FAXC: variants seen among roughly 807,000 people sequenced by gnomAD.
FAXC encodes failed axon connections homolog.
Under a neutral mutation model 41.9 loss-of-function variants are expected in FAXC, and 10 were observed. That is an observed-to-expected ratio of 0.24 (90% confidence interval 0.15 to 0.41). FAXC has a LOEUF of 0.41. Ranked by LOEUF, FAXC falls within the 10% of genes least tolerant of loss-of-function variation. FAXC has a pLI of 1.00. For missense variants in FAXC, 399 were observed against 510.9 expected (o/e 0.78, Z 2.11); for synonymous variants, 183 against 183.8 (o/e 1.00, Z 0.03).
At chr6:99,289,435 G>C (rs1444897958) in intron 5 of FAXC, among the ~76,000 whole-genome samples, 1 of 152,126 alleles carries the variant, frequency 6.6e-6, no homozygotes, top group Admixed American at 6.5e-5. Flanking sequence ...AGGATCACTT[G>C]AGGCCAGGAT....
At chr6:99,345,655 C>T (rs961208499) in intron 1 of FAXC, among the ~76,000 whole-genome samples, 12 of 152,208 alleles carry the variant, frequency 7.9e-5, no homozygotes, top group African/African-American at 2.4e-4. Context: ...GATGAACATG[C>T]CTCTGTATAC....
At chr6:99,288,949 G>A (rs1176693532) in intron 5 of FAXC, among the ~76,000 whole-genome samples, 1 of 151,250 alleles carries the variant, frequency 6.6e-6, no homozygotes, top group Non-Finnish European at 1.5e-5. Context: ...CTGCTTGCCT[G>A]CCTCAGTTTC....
Position 99,333,668 on chromosome 6 carries a change from G to A in FAXC, c.403-121C>T, listed in dbSNP as rs541610456. 2.9e-5 allele frequency: 24 copies of A among 833,770 alleles called. No homozygotes were observed. The African/African-American group carries it at 3.8e-4, about 13-fold the overall frequency. 51.6% of individuals were successfully genotyped at this position (833,770 alleles called of 1,614,324 possible). Reference sequence around the variant, plus strand: ...TAGTGACAGTACTACTCAAGTGAATGAACTCAGGGCATAAACTCCTTAAGA... The same window carrying A: ...TAGTGACAGTACTACTCAAGTGAATAAACTCAGGGCATAAACTCCTTAAGA... On this transcript the variant is annotated intron_variant, in intron 2 of 5. Coordinates refer to ENST00000389677, the MANE Select transcript of FAXC (RefSeq NM_032511.4).
In FAXC at chr6:99,275,968, A is replaced by T. The variant is rs1393615800; in HGVS notation, c.*5196T>A. On this transcript the variant is annotated 3_prime_UTR_variant, in exon 6 of 6. Coordinates refer to ENST00000389677, the MANE Select transcript of FAXC (RefSeq NM_032511.4). ...TAAAGGTCAAGCACTTCACAATCAC[A>T]TGCAATTGATCCCTGGACCTGTTAA... is the stretch of plus-strand genomic sequence containing the variant. The T allele has an allele frequency of 6.6e-6, 1 of 152,078 alleles. No individual in the cohort carries two copies. Among genetic ancestry groups the T allele is most frequent in the Non-Finnish European group, 1.5e-5 (1 of 68,026 alleles). 9.4% of individuals were successfully genotyped at this position (152,078 alleles called of 1,614,324 possible).
At chr6:99,336,222 A>C (rs1022150791) in intron 2 of FAXC, among the ~76,000 whole-genome samples, 4 of 152,090 alleles carry the variant, frequency 2.6e-5, no homozygotes, top group Non-Finnish European at 4.4e-5. Context: ...GGCCCAAAAA[A>C]AGTATGTTAA....
At chr6:99,294,912 G>A (rs1311522285) in intron 4 of FAXC, among the ~76,000 whole-genome samples, 1 of 152,198 alleles carries the variant, frequency 6.6e-6, no homozygotes, top group Non-Finnish European at 1.5e-5. Context: ...TGTTAAAACT[G>A]GAAGGACACT....
rs143246528 is a variant in FAXC, at chr6:99,300,615, T to C, written c.824-8795A>G. 6.4e-4 allele frequency among the ~76,000 whole-genome samples: 97 copies of C among 152,286 alleles called. No homozygotes were observed. The East Asian group carries it at 0.018, about 29-fold the overall frequency. ...GGGCTATAAAAATTATATGAGTCTC[T>C]CTCCCCAGTATCACTTTCCCAAATA... is the stretch of plus-strand genomic sequence containing the variant. On this transcript the variant is annotated intron_variant, in intron 4 of 5. Coordinates refer to ENST00000389677, the MANE Select transcript of FAXC (RefSeq NM_032511.4).
At chr6:99,291,634 C>A in intron 5 of FAXC, 70 bp downstream of exon 5, 1 of 1,070,026 alleles carries the variant, frequency 9.3e-7, no homozygotes, top group Non-Finnish European at 1.5e-6. Context: ...CTAGAATTCT[C>A]CACTGTGCTA....
At chr6:99,342,614 G>C (rs1003393433) in intron 2 of FAXC, among the ~76,000 whole-genome samples, 4 of 152,172 alleles carry the variant, frequency 2.6e-5, no homozygotes, top group African/African-American at 9.7e-5. Context: ...AAAGTGCTGG[G>C]ATTAAAGGCG....
chr6:99,307,773 G>A (rs575481589), intron 4 of FAXC, among the ~76,000 whole-genome samples: 6 of 152,242 alleles, frequency 3.9e-5, no homozygotes, highest in South Asian at 4.1e-4. Flanking sequence ...TCACACAAGC[G>A]CTGCGATGCC....
chr6:99,280,549 C>G lies in FAXC; in HGVS notation c.*615G>C, dbSNP rs1770787865. On this transcript the variant is annotated 3_prime_UTR_variant, in exon 6 of 6. Coordinates refer to ENST00000389677, the MANE Select transcript of FAXC (RefSeq NM_032511.4). ...TTTACAGGTGGGAGAAATGAGGCAC[C>G]CAATAGTTAATAAGAGATTTGCTCA... 6.6e-6 allele frequency: 1 copy of G among 152,632 alleles called. No individual in the cohort carries two copies. The highest frequency in any genetic ancestry group is 1.5e-5 in the Non-Finnish European group (1 of 68,402). The allele number at this position is 152,632 out of a possible 1,614,324, so 9.5% of individuals were successfully genotyped here. A position where few individuals can be genotyped will look rare whatever the true frequency, so the allele number is the denominator to read the frequency against.
chr6:99,349,016 G>A (rs1269047479), intron 1 of FAXC, 91 bp downstream of exon 1: 8 of 1,302,238 alleles, frequency 6.1e-6, no homozygotes, highest in East Asian at 2.3e-5. Flanking sequence ...CAGCTTGACC[G>A]AGGGGCTGGC....
Position 99,333,546 on chromosome 6 carries a change from T to A in FAXC, c.404A>T (p.Asn135Ile). Residue 135 changes from asparagine to isoleucine, a missense_variant and splice_region_variant, in exon 3 of 6, where the codon AAC becomes ATC. Transcript: ENST00000389677. ...AGCAGAGAGTTTTCCACCAAAATAG[T>A]TCTAAGCAGAGTACATTTTTAAAAA... ...YLRMADLPYQNYFGGKLSAQG... is the reference protein window; with the variant it reads ...YLRMADLPYQIYFGGKLSAQG... The A allele has an allele frequency of 6.3e-7, 1 of 1,596,872 alleles. No individual in the cohort carries two copies.
intron 1 of FAXC, among the ~76,000 whole-genome samples, chr6:99,347,783 T>A (rs1368674577): frequency 6.6e-6 from 1 of 152,238 alleles, no homozygotes; most frequent in Non-Finnish European, 1.5e-5. Context: ...TTTAGGTAGC[T>A]TGAAATCTAA....
rs904849459 is a variant in FAXC at position 99,273,750 on chromosome 6, G to A, written c.*7414C>T. 1.3e-5 allele frequency: 2 copies of A among 151,850 alleles called. No individual in the cohort carries two copies. Among genetic ancestry groups the A allele is most frequent in the Admixed American group, 6.6e-5 (1 of 15,220 alleles). 9.4% of individuals were successfully genotyped at this position (151,850 alleles called of 1,614,324 possible). ...TCAATTACAGGCATCTGGGTGCTAC[G>A]CCTAAAGACTCCTTGTCCCATTCTC... On this transcript the variant is annotated 3_prime_UTR_variant, in exon 6 of 6. Transcript: ENST00000389677.
At chr6:99,292,451 T>G (rs1379879759) in intron 4 of FAXC, among the ~76,000 whole-genome samples, 2 of 152,128 alleles carry the variant, frequency 1.3e-5, no homozygotes, top group East Asian at 3.9e-4. Context: ...TGCTCCCATC[T>G]CTCCATTTCA....
intron 5 of FAXC, among the ~76,000 whole-genome samples, chr6:99,290,519 T>G (rs569660786): frequency 6.6e-6 from 1 of 151,924 alleles, no homozygotes; most frequent in African/African-American, 2.4e-5. Flanking sequence ...CTGACCGACA[T>G]GGCAAAACCC....
At chr6:99,322,127 A>C (rs1156525523) in intron 4 of FAXC, among the ~76,000 whole-genome samples, 1 of 152,228 alleles carries the variant, frequency 6.6e-6, no homozygotes, top group Non-Finnish European at 1.5e-5. Context: ...CAGTGGAGCA[A>C]AACAACAGAA....
chr6:99,301,605 G>C (rs949923238), intron 4 of FAXC, among the ~76,000 whole-genome samples: 4 of 152,200 alleles, frequency 2.6e-5, no homozygotes, highest in African/African-American at 9.7e-5. Flanking sequence ...TGTGTGCCAA[G>C]CTCTGTAATC....
Sources: allele counts gnomAD v4.1 joint callset (sites outside exome capture counted in the v4.1 genomes callset), GRCh38; gene constraint gnomAD v4.1.1; transcripts MANE v1.5; gene names NCBI Gene and HGNC (gene_info 2026-07-23, HGNC 2026-07-21).